Variants in WDR70 observed in about 807,000 individuals in gnomAD.
WDR70 encodes WD repeat domain 70.
In WDR70, 53 loss-of-function variants were observed where a neutral mutation model predicts 88.6. The observed-to-expected ratio is 0.60, with a 90% CI of 0.48 to 0.75. The LOEUF (loss-of-function observed/expected upper bound fraction) is 0.75. WDR70 is among the 30% of genes least tolerant of loss of function. The pLI is 0.00. For synonymous variants in WDR70, 280 were observed against 270.0 expected (o/e 1.04, Z -0.36); for missense variants, 610 against 823.2 (o/e 0.74, Z 3.17).
In WDR70 at chr5:37,395,556, T is replaced by C. The variant is rs145506166; in HGVS notation, c.297-819T>C. ...AATGCTACATTTAATGTTTTGGCAA[T>C]GTAGGAAACTTGGATTAGCCGTTAG... On this transcript the variant is annotated intron_variant, in intron 4 of 17. Coordinates refer to ENST00000265107, the MANE Select transcript of WDR70 (RefSeq NM_018034.4). Among the ~76,000 whole-genome samples the C allele has an allele frequency of 3.3e-5, 5 of 152,306 alleles. No individual in the cohort carries two copies. In the East Asian group the frequency reaches 9.7e-4, roughly 29 times the overall value.
chr5:37,404,135 A>G (rs1475377456), intron 5 of WDR70, among the ~76,000 whole-genome samples: 2 of 152,214 alleles, frequency 1.3e-5, no homozygotes, highest in Non-Finnish European at 2.9e-5. Flanking sequence ...TTGATTCAGT[A>G]TAACTGTAGT....
At chr5:37,659,311 T>A (rs993424329) in intron 10 of WDR70, among the ~76,000 whole-genome samples, 1 of 152,234 alleles carries the variant, frequency 6.6e-6, no homozygotes, top group African/African-American at 2.4e-5. Context: ...ACTATGGAAG[T>A]CATAATTTGA....
At chr5:37,748,086 G>A (rs1004865590) in intron 17 of WDR70, among the ~76,000 whole-genome samples, 4 of 152,210 alleles carry the variant, frequency 2.6e-5, no homozygotes, top group Admixed American at 1.3e-4. Context: ...TAGATTCAAT[G>A]CTATTGCCAT....
At chr5:37,498,166 C>T (rs150488986) in intron 8 of WDR70, among the ~76,000 whole-genome samples, 2 of 152,248 alleles carry the variant, frequency 1.3e-5, no homozygotes, top group African/African-American at 4.8e-5. Flanking sequence ...ATTCATGGCA[C>T]TCTATTCATT....
chr5:37,711,323 T>G (rs530130987), intron 13 of WDR70, among the ~76,000 whole-genome samples: 1 of 152,312 alleles, frequency 6.6e-6, no homozygotes, highest in African/African-American at 2.4e-5. Flanking sequence ...CAGAGCTCAT[T>G]CCTCTTGCCT....
chr5:37,380,881 A>G (rs1167233222), intron 2 of WDR70, among the ~76,000 whole-genome samples: 1 of 152,104 alleles, frequency 6.6e-6, no homozygotes, highest in East Asian at 1.9e-4. Flanking sequence ...TCCTGAGCTC[A>G]AGCAGTCCGC....
Position 37,516,725 on chromosome 5 carries a change from A to ATATT in WDR70, c.917+136_917+137insATTT, listed in dbSNP as rs1197472263. On this transcript the variant is annotated intron_variant, in intron 9 of 17. Transcript: ENST00000265107. ...TCTTATTATATACATATATATATAT[A>ATATT]TTTTTTTTTTTTTTAAGGGGGAGTC... The ATATT allele has an allele frequency of 3.1e-4, 40 of 128,058 alleles. No individual in the cohort carries two copies. In the South Asian group the frequency reaches 4.0e-3, roughly 13 times the overall value. The allele number at this position is 128,058 out of a possible 1,614,324, so 7.9% of individuals were successfully genotyped here.
At chr5:37,660,147 A>G (rs1340420620) in intron 10 of WDR70, among the ~76,000 whole-genome samples, 5 of 152,270 alleles carry the variant, frequency 3.3e-5, no homozygotes, top group Admixed American at 1.3e-4. Context: ...ATTGAGTTCT[A>G]TTTTAATCCC....
At chr5:37,381,921 CA>C (rs1469764820) in intron 3 of WDR70, 1 of 352,314 alleles carries the variant, frequency 2.8e-6, no homozygotes, top group African/African-American at 2.1e-5. Context: ...GGGCATGGTG[CA>C]GGGGCCTGTA....
rs551339408 is a variant in WDR70 at position 37,388,733 on chromosome 5, C to T, written c.176-3267C>T. 7.1e-4 allele frequency among the ~76,000 whole-genome samples: 65 copies of T among 91,068 alleles called. 1 individual carries two copies. In the Admixed American group the frequency reaches 7.7e-3, roughly 11 times the overall value. The allele number at this position is 91,068 out of a possible 152,430, so 59.7% of individuals were successfully genotyped here. On this transcript the variant is annotated intron_variant, in intron 3 of 17. Coordinates refer to ENST00000265107, the MANE Select transcript of WDR70 (RefSeq NM_018034.4). Reference sequence around the variant, plus strand: ...GACGCCTGGTGACAGAGTGAGACTCCGTCTCAAAAAAAAAAAACAAAAAGA... The same window carrying T: ...GACGCCTGGTGACAGAGTGAGACTCTGTCTCAAAAAAAAAAAACAAAAAGA...
At chr5:37,537,689 TAAAC>T (rs1741704840) in intron 9 of WDR70, among the ~76,000 whole-genome samples, 2 of 152,174 alleles carry the variant, frequency 1.3e-5, no homozygotes, top group Admixed American at 6.5e-5. Flanking sequence ...ATTAACAGGA[TAAAC>T]AAAGTAAAAT....
intron 9 of WDR70, among the ~76,000 whole-genome samples, chr5:37,582,557 AC>A: frequency 6.6e-6 from 1 of 152,318 alleles, no homozygotes; most frequent in South Asian, 2.1e-4. Context: ...TAGAATCCTA[AC>A]TCTGCTACTA....
Position 37,722,948 on chromosome 5 carries a change from A to G in WDR70, c.1597+14A>G. 1.9e-6 allele frequency: 3 copies of G among 1,613,164 alleles called. No homozygotes were observed. The highest frequency in any genetic ancestry group is 1.1e-5 in the South Asian group (1 of 91,058). On this transcript the variant is annotated intron_variant, in intron 15 of 17. Transcript: ENST00000265107. ...ACATCATCACCCGTAAGTCGTTAACATGCCTCTCAATCATGCATCTCTCTT... is the reference window on the plus strand; with the variant it reads ...ACATCATCACCCGTAAGTCGTTAACGTGCCTCTCAATCATGCATCTCTCTT...
intron 6 of WDR70, among the ~76,000 whole-genome samples, chr5:37,438,757 G>T (rs1750560568): frequency 6.6e-6 from 1 of 151,706 alleles, no homozygotes; most frequent in Non-Finnish European, 1.5e-5. Flanking sequence ...TGAAAATATT[G>T]TTTTCATAAA....
chr5:37,493,246 A>G (rs1740119639), intron 8 of WDR70, among the ~76,000 whole-genome samples: 1 of 152,204 alleles, frequency 6.6e-6, no homozygotes, highest in East Asian at 1.9e-4. Flanking sequence ...CAATGTGGCT[A>G]CATTTCTCTG....
chr5:37,648,909 C>T (rs1204771255), intron 10 of WDR70, among the ~76,000 whole-genome samples: 1 of 152,128 alleles, frequency 6.6e-6, no homozygotes, highest in Non-Finnish European at 1.5e-5. Flanking sequence ...ATTAGTTTAA[C>T]ACATTAATTT....
At chr5:37,751,934 G>A (rs1356893111) in intron 17 of WDR70, among the ~76,000 whole-genome samples, 2 of 152,230 alleles carry the variant, frequency 1.3e-5, no homozygotes, top group Non-Finnish European at 2.9e-5. Flanking sequence ...GCATTGGGCT[G>A]AGTGTAGGAA....
At chr5:37,685,599 T>C (rs1746566348) in intron 10 of WDR70, among the ~76,000 whole-genome samples, 1 of 152,092 alleles carries the variant, frequency 6.6e-6, no homozygotes, top group Admixed American at 6.5e-5. Context: ...ACAGTTTCCC[T>C]ACAGCCAAAG....
chr5:37,517,587 G>C (rs1019076896), intron 9 of WDR70, among the ~76,000 whole-genome samples: 13 of 151,732 alleles, frequency 8.6e-5, no homozygotes, highest in Admixed American at 3.3e-4. Context: ...GGCTGGTCTC[G>C]AACTCCTGAC....
Sources: gnomAD v4.1 joint callset for allele counts (sites outside exome capture counted in the v4.1 genomes callset) on GRCh38, gnomAD v4.1.1 for gene constraint, MANE v1.5 for transcripts, NCBI Gene and HGNC (gene_info 2026-07-23, HGNC 2026-07-21) for gene names.